The following PDE4B variants were observed in gnomAD, a reference collection of about 807,000 sequenced individuals.
PDE4B encodes the protein phosphodiesterase 4B.
Under a neutral mutation model 82.2 loss-of-function variants are expected in PDE4B, and 20 were observed. That is an observed-to-expected ratio of 0.24 (90% CI 0.17 to 0.35). PDE4B has a LOEUF of 0.35. Ranked by LOEUF, PDE4B falls within the 10% of genes least tolerant of loss-of-function variation. The pLI, the probability that PDE4B is intolerant of heterozygous loss-of-function variation, is 1.00. For synonymous variants in PDE4B, 320 were observed against 318.9 expected (o/e 1.00, Z -0.04); for missense variants, 655 against 907.2 (o/e 0.72, Z 3.57).
chr1:66,160,937 G>C (rs573696067), intron 3 of PDE4B, among the ~76,000 whole-genome samples: 1 of 152,184 alleles, frequency 6.6e-6, no homozygotes, highest in African/African-American at 2.4e-5. Flanking sequence ...GGCACTCTCA[G>C]AACATCAGTA....
intron 1 of PDE4B, among the ~76,000 whole-genome samples, chr1:65,821,896 A>T (rs1050528561): frequency 6.6e-6 from 1 of 152,264 alleles, no homozygotes; most frequent in Admixed American, 6.5e-5. Context: ...ACAATATAAA[A>T]TAGAAAAATA....
At chr1:65,858,287 T>C (rs896764887) in intron 1 of PDE4B, among the ~76,000 whole-genome samples, 5 of 152,204 alleles carry the variant, frequency 3.3e-5, no homozygotes, top group African/African-American at 9.6e-5. Flanking sequence ...GCCACCTCCT[T>C]ATTATAAATG....
chr1:66,167,727 C>T (rs940690645), intron 3 of PDE4B, among the ~76,000 whole-genome samples: 8 of 152,178 alleles, frequency 5.3e-5, no homozygotes, highest in Non-Finnish European at 8.8e-5. Context: ...TTCAAGAGTA[C>T]AAGCAAAGTC....
intron 3 of PDE4B, among the ~76,000 whole-genome samples, chr1:66,205,190 A>G (rs1649449268): frequency 6.6e-6 from 1 of 152,210 alleles, no homozygotes; most frequent in African/African-American, 2.4e-5. Context: ...AGCCCACCCT[A>G]GCACAGTCAT....
At chr1:66,248,958 CT>C (rs1352065421) in intron 4 of PDE4B, among the ~76,000 whole-genome samples, 2 of 152,200 alleles carry the variant, frequency 1.3e-5, no homozygotes, top group Admixed American at 1.3e-4. Flanking sequence ...AAACTTGCCC[CT>C]ATCCCATGAC....
chr1:66,333,147 C>T (rs181527319), intron 8 of PDE4B, among the ~76,000 whole-genome samples: 13 of 152,204 alleles, frequency 8.5e-5, no homozygotes, highest in African/African-American at 3.1e-4. Flanking sequence ...GCTGGCATGA[C>T]CTAAGATAAA....
intron 1 of PDE4B, among the ~76,000 whole-genome samples, chr1:65,876,875 A>G (rs1446989187): frequency 3.3e-5 from 5 of 152,196 alleles, no homozygotes; most frequent in Admixed American, 2.0e-4. Context: ...AAGGAGAACT[A>G]CAAACCACTG....
At chr1:66,082,155 GGT>G (rs1656775877) in intron 3 of PDE4B, among the ~76,000 whole-genome samples, 1 of 151,966 alleles carries the variant, frequency 6.6e-6, no homozygotes, top group African/African-American at 2.4e-5. Context: ...TGATTAACCT[GGT>G]CCTCATTGCA....
Position 66,103,108 on chromosome 1 carries a change from A to C in PDE4B, c.282-144352A>C, listed in dbSNP as rs112546857. 9.8e-3 allele frequency among the ~76,000 whole-genome samples: 1,490 copies of C among 152,240 alleles called. 34 individuals carry two copies. The highest frequency in any genetic ancestry group is 0.034 in the African/African-American group (1,423 of 41,564). ...GAACTGAGTTGTAGGAATGCTTTGTAAATGTGTTTTTAAATTGTTGATTTT... is the reference window on the plus strand; with the variant it reads ...GAACTGAGTTGTAGGAATGCTTTGTCAATGTGTTTTTAAATTGTTGATTTT... On this transcript the variant is annotated intron_variant, in intron 3 of 16. Coordinates refer to ENST00000341517, the MANE Select transcript of PDE4B (RefSeq NM_002600.4).
chr1:66,284,855 G>A (rs183135265), intron 7 of PDE4B, among the ~76,000 whole-genome samples: 14 of 152,262 alleles, frequency 9.2e-5, no homozygotes, highest in East Asian at 1.9e-4. Context: ...TGTGTGCAGC[G>A]AGGAGCCACT....
chr1:66,305,951 G>A (rs959662989), intron 7 of PDE4B, among the ~76,000 whole-genome samples: 1 of 152,088 alleles, frequency 6.6e-6, no homozygotes, highest in African/African-American at 2.4e-5. Flanking sequence ...ATGACAAAGG[G>A]CCGCAGCAGA....
chr1:65,886,368 T>G (rs542344363), intron 1 of PDE4B, among the ~76,000 whole-genome samples: 2 of 152,294 alleles, frequency 1.3e-5, no homozygotes, highest in South Asian at 4.1e-4. Flanking sequence ...ATGTATTATT[T>G]CTATGTATTA....
At chr1:66,084,532 C>G (rs1452434244) in intron 3 of PDE4B, among the ~76,000 whole-genome samples, 1 of 152,076 alleles carries the variant, frequency 6.6e-6, no homozygotes, top group Non-Finnish European at 1.5e-5. Flanking sequence ...AAGTGAAATA[C>G]ATTAAGAACA....
At position 66,336,314 on chromosome 1, in the gene PDE4B, C is replaced by T. The variant is rs912199155; in HGVS notation, c.747+3694C>T. On this transcript the variant is annotated intron_variant, in intron 8 of 16. Transcript: ENST00000341517. ...CCAACCCAGAACAATCCCAGGGAGG[C>T]GTAATTGTGACTGGCGGGGAATGGG... Among the ~76,000 whole-genome samples the T allele has an allele frequency of 3.9e-5, 6 of 152,148 alleles. No homozygotes were observed. The East Asian group carries it at 9.6e-4, about 24-fold the overall frequency.
At chr1:66,335,420 G>T (rs1660445123) in intron 8 of PDE4B, among the ~76,000 whole-genome samples, 1 of 152,222 alleles carries the variant, frequency 6.6e-6, no homozygotes, top group Admixed American at 6.5e-5. Flanking sequence ...TGGAGGAAAA[G>T]CAAGCATCTT....
intron 10 of PDE4B, among the ~76,000 whole-genome samples, chr1:66,362,904 C>A (rs1469868708): frequency 6.6e-6 from 1 of 152,202 alleles, no homozygotes; most frequent in Non-Finnish European, 1.5e-5. Context: ...AAGACTGATG[C>A]ATGTCCAATA....
intron 3 of PDE4B, among the ~76,000 whole-genome samples, chr1:66,190,839 G>A (rs535378225): frequency 1.3e-3 from 203 of 152,078 alleles, no homozygotes; most frequent in Non-Finnish European, 1.9e-3. Context: ...TGCTGCACGT[G>A]CTGTCCTGTA....
At chr1:66,076,300 A>T (rs1005795588) in intron 3 of PDE4B, among the ~76,000 whole-genome samples, 2 of 152,128 alleles carry the variant, frequency 1.3e-5, no homozygotes, top group Non-Finnish European at 2.9e-5. Context: ...TTTCTGCATT[A>T]GTTTGCTTAG....
intron 3 of PDE4B, among the ~76,000 whole-genome samples, chr1:66,185,895 T>C (rs376109177): frequency 6.6e-6 from 1 of 152,096 alleles, no homozygotes; most frequent in Non-Finnish European, 1.5e-5. Context: ...GTGTTTTAGA[T>C]ATGAAGTCCT....
Sources: allele counts gnomAD v4.1 joint callset (sites outside exome capture counted in the v4.1 genomes callset), GRCh38; gene constraint gnomAD v4.1.1; transcripts MANE v1.5; gene names NCBI Gene and HGNC (gene_info 2026-07-23, HGNC 2026-07-21).